CSNK2A2IP: variants seen among roughly 807,000 people sequenced by gnomAD.
CSNK2A2IP encodes the protein casein kinase II subunit alpha'-interacting protein.
At chr3:88,445,849 G>A in the CSNK2A2IP span, among the ~76,000 whole-genome samples, 1 of 151,892 alleles carries the variant, frequency 6.6e-6, no homozygotes, top group African/African-American at 2.4e-5. Context: ...TTCTACCTAG[G>A]ATGTTTACAA....
the CSNK2A2IP span, among the ~76,000 whole-genome samples, chr3:88,350,397 C>T: frequency 2.6e-5 from 4 of 151,978 alleles, no homozygotes; most frequent in African/African-American, 9.7e-5. Flanking sequence ...GGCTCAACTA[C>T]AAGTATAATC....
chr3:88,339,590 G>A, the CSNK2A2IP span, among the ~76,000 whole-genome samples: 6 of 152,102 alleles, frequency 3.9e-5, no homozygotes, highest in Middle Eastern at 3.4e-3. Context: ...GGTATGTACA[G>A]GAAAAGTCCA....
the CSNK2A2IP span, among the ~76,000 whole-genome samples, chr3:88,358,901 G>A: frequency 1.3e-5 from 2 of 151,438 alleles, no homozygotes; most frequent in African/African-American, 4.8e-5. Context: ...GCTTGAATAG[G>A]ATTAGTATTT....
the CSNK2A2IP span, among the ~76,000 whole-genome samples, chr3:88,384,836 AAC>A: frequency 1.3e-5 from 2 of 152,168 alleles, no homozygotes; most frequent in Admixed American, 6.5e-5. Flanking sequence ...GTAGAATTGA[AAC>A]AGCAGCACAA....
chr3:88,380,420 T>C, the CSNK2A2IP span, among the ~76,000 whole-genome samples: 1 of 151,780 alleles, frequency 6.6e-6, no homozygotes, highest in African/African-American at 2.4e-5. Context: ...GGGCACAAAC[T>C]ATGTTTTAAT....
chr3:88,449,866 T>TAGAGAGAGAGAGAG, the CSNK2A2IP span, among the ~76,000 whole-genome samples: 2 of 69,612 alleles, frequency 2.9e-5, no homozygotes, highest in South Asian at 6.0e-4. Flanking sequence ...TATATATATA[T>TAGAGAGAGAGAGAG]ATATATATAG....
At chr3:88,415,039 A>G in the CSNK2A2IP span, among the ~76,000 whole-genome samples, 16 of 152,036 alleles carry the variant, frequency 1.1e-4, no homozygotes, top group African/African-American at 3.1e-4. Flanking sequence ...ACACACACAC[A>G]CAAATATTTA....
the CSNK2A2IP span, among the ~76,000 whole-genome samples, chr3:88,450,201 A>C: frequency 6.6e-6 from 1 of 152,036 alleles, no homozygotes. Context: ...TTTATTGTGC[A>C]TATTTAAGGT....
At chr3:88,414,124 CTT>C in the CSNK2A2IP span, among the ~76,000 whole-genome samples, 1 of 150,824 alleles carries the variant, frequency 6.6e-6, no homozygotes, top group African/African-American at 2.4e-5. Context: ...CAGACTATCT[CTT>C]AAACTGCTGA....
At chr3:88,396,256 C>T in the CSNK2A2IP span, among the ~76,000 whole-genome samples, 2 of 151,620 alleles carry the variant, frequency 1.3e-5, no homozygotes, top group Non-Finnish European at 2.9e-5. Flanking sequence ...CAGGCGCCCG[C>T]CACCTCGCCC....
the CSNK2A2IP span, among the ~76,000 whole-genome samples, chr3:88,410,366 A>C: frequency 6.6e-6 from 1 of 152,034 alleles, no homozygotes; most frequent in Non-Finnish European, 1.5e-5. Context: ...GACAACCTGC[A>C]TTCATGCTTG....
the CSNK2A2IP span, among the ~76,000 whole-genome samples, chr3:88,447,731 A>G: frequency 4.6e-5 from 7 of 152,076 alleles, no homozygotes; most frequent in African/African-American, 1.7e-4. Context: ...TTTCTCGATG[A>G]TATATTTTTC....
the CSNK2A2IP span, among the ~76,000 whole-genome samples, chr3:88,387,245 T>G: frequency 6.7e-6 from 1 of 150,102 alleles, no homozygotes; most frequent in African/African-American, 2.5e-5. Flanking sequence ...CATTGCAGCC[T>G]CCGCCTCCTG....
At chr3:88,402,249 C>A in the CSNK2A2IP span, among the ~76,000 whole-genome samples, 3 of 151,946 alleles carry the variant, frequency 2.0e-5, no homozygotes, top group Non-Finnish European at 2.9e-5. Context: ...AAACAATGAA[C>A]ATTTAGAAAA....
At chr3:88,466,353 C>T in the CSNK2A2IP span, 113 of 1,231,822 alleles carry the variant, frequency 9.2e-5, 1 homozygote, top group East Asian at 2.5e-3. Context: ...ATTGTAACTT[C>T]CAGACCACGA....
chr3:88,399,362 A>G, the CSNK2A2IP span, among the ~76,000 whole-genome samples: 1 of 152,194 alleles, frequency 6.6e-6, no homozygotes, highest in Non-Finnish European at 1.5e-5. Context: ...TCACCAATAT[A>G]AGAAATATTT....
chr3:88,400,745 C>T, the CSNK2A2IP span, among the ~76,000 whole-genome samples: 3 of 152,108 alleles, frequency 2.0e-5, no homozygotes, highest in Non-Finnish European at 4.4e-5. Context: ...GATTTTAGCC[C>T]AGTGAAACCT....
chr3:88,442,343 A>AT, the CSNK2A2IP span, among the ~76,000 whole-genome samples: 2 of 151,994 alleles, frequency 1.3e-5, no homozygotes, highest in Non-Finnish European at 2.9e-5. Flanking sequence ...CCTAGCTTGA[A>AT]TTTTTTATCA....
At chr3:88,407,342 G>A in the CSNK2A2IP span, among the ~76,000 whole-genome samples, 1 of 147,688 alleles carries the variant, frequency 6.8e-6, no homozygotes, top group African/African-American at 2.5e-5. Context: ...GCATATTCAT[G>A]CATATCTTGT....
Sources: allele counts gnomAD v4.1 joint callset (sites outside exome capture counted in the v4.1 genomes callset), GRCh38; gene constraint gnomAD v4.1.1; transcripts MANE v1.5; gene names NCBI Gene and HGNC (gene_info 2026-07-23, HGNC 2026-07-21).